The following DCLK1 variants were observed in gnomAD, a reference collection of about 807,000 sequenced individuals.
DCLK1 encodes the protein serine/threonine-protein kinase DCLK1.
A neutral mutation model predicts 86.2 loss-of-function variants in DCLK1; 16 were observed. The observed-to-expected ratio is 0.19, with a 90% CI of 0.13 to 0.28. The LOEUF is 0.28. Ranked by LOEUF, DCLK1 falls within the 10% of genes least tolerant of loss-of-function variation. DCLK1 has a pLI of 1.00. For missense variants in DCLK1, 590 were observed against 940.2 expected (o/e 0.63, Z 4.87); for synonymous variants, 369 against 370.5 (o/e 1.00, Z 0.05).
intron 6 of DCLK1, among the ~76,000 whole-genome samples, chr13:35,842,253 A>AAG (rs1566562081): frequency 2.0e-5 from 3 of 151,056 alleles, no homozygotes; most frequent in African/African-American, 7.3e-5. Context: ...AAAAAAAAAA[A>AAG]AAGAAGTTCT....
At chr13:35,785,606 G>A (rs927245703) in intron 16 of DCLK1, among the ~76,000 whole-genome samples, 1 of 152,304 alleles carries the variant, frequency 6.6e-6, no homozygotes, top group Non-Finnish European at 1.5e-5. Flanking sequence ...AGCCAGTTAA[G>A]AGAGACAGAC....
At chr13:36,001,530 G>T (rs1880723318) in intron 3 of DCLK1, among the ~76,000 whole-genome samples, 1 of 152,016 alleles carries the variant, frequency 6.6e-6, no homozygotes, top group African/African-American at 2.4e-5. Context: ...GACCTTCCAA[G>T]GATGCTAGGA....
chr13:35,836,108 G>A lies in DCLK1; in HGVS notation c.1154C>T (p.Thr385Ile), dbSNP rs756382778. ...VSEEGFQIPA[T>I]ITERYKVGRT... The stretch of plus-strand genomic sequence containing the variant: ...TCCGACTTTATATCGTTCTGTTATT[G>A]TAGCTGGAATCTGGAAGCCTTCCTC... Residue 385 changes from threonine to isoleucine, a missense_variant, in exon 8 of 17, where the codon ACA becomes ATA. Thr to Ile is a moderately conservative substitution (Grantham distance 89). Coordinates refer to ENST00000360631, the MANE Select transcript of DCLK1 (RefSeq NM_001330071.2). 6.2e-7 allele frequency: 1 copy of A among 1,612,740 alleles called. No homozygotes were observed. Among genetic ancestry groups the A allele is most frequent in the East Asian group, 2.2e-5 (1 of 44,796 alleles).
chr13:35,939,378 G>C (rs1876957991), intron 4 of DCLK1, among the ~76,000 whole-genome samples: 1 of 152,142 alleles, frequency 6.6e-6, no homozygotes, highest in South Asian at 2.1e-4. Context: ...TATTCAACAA[G>C]ATAGCTATAT....
At chr13:35,921,940 T>G (rs1165581313) in intron 4 of DCLK1, among the ~76,000 whole-genome samples, 1 of 152,150 alleles carries the variant, frequency 6.6e-6, no homozygotes, top group Non-Finnish European at 1.5e-5. Context: ...TTTTGGAATT[T>G]CATATGTTGG....
intron 4 of DCLK1, among the ~76,000 whole-genome samples, chr13:35,875,905 T>C (rs1872561322): frequency 6.6e-6 from 1 of 152,134 alleles, no homozygotes; most frequent in South Asian, 2.1e-4. Context: ...AGAGATGAAA[T>C]GACTTGCATC....
At chr13:35,784,640 T>G (rs1364968843) in intron 16 of DCLK1, among the ~76,000 whole-genome samples, 1 of 152,214 alleles carries the variant, frequency 6.6e-6, no homozygotes, top group African/African-American at 2.4e-5. Context: ...AATCTATGAC[T>G]TTTCGATGTG....
intron 15 of DCLK1, among the ~76,000 whole-genome samples, chr13:35,799,749 T>G (rs1488308881): frequency 6.6e-6 from 1 of 152,130 alleles, no homozygotes; most frequent in Non-Finnish European, 1.5e-5. Flanking sequence ...ATATAAGAAT[T>G]TTTTTCTGGA....
intron 3 of DCLK1, among the ~76,000 whole-genome samples, chr13:36,098,368 A>C (rs929281957): frequency 1.3e-5 from 2 of 152,204 alleles, no homozygotes; most frequent in East Asian, 3.9e-4. Context: ...ACTATCCCAG[A>C]ACTGATCTGA....
chr13:35,798,685 C>A (rs2086859830), intron 15 of DCLK1, among the ~76,000 whole-genome samples: 1 of 152,148 alleles, frequency 6.6e-6, no homozygotes, highest in Non-Finnish European at 1.5e-5. Flanking sequence ...GGATAAAATG[C>A]CCATATGGAA....
intron 3 of DCLK1, among the ~76,000 whole-genome samples, chr13:36,046,996 T>A (rs1239194311): frequency 6.6e-6 from 1 of 152,048 alleles, no homozygotes; most frequent in Non-Finnish European, 1.5e-5. Context: ...AGAAAACACA[T>A]AAACCAATTA....
chr13:35,809,543 G>C (rs1413473540), intron 12 of DCLK1, among the ~76,000 whole-genome samples: 1 of 152,198 alleles, frequency 6.6e-6, no homozygotes, highest in Admixed American at 6.5e-5. Context: ...GACAAGACAA[G>C]TATTGCTTAT....
At chr13:35,923,533 G>C (rs1333050884) in intron 4 of DCLK1, among the ~76,000 whole-genome samples, 1 of 152,042 alleles carries the variant, frequency 6.6e-6, no homozygotes, top group Non-Finnish European at 1.5e-5. Flanking sequence ...GGGAGCAGTG[G>C]GGGGTAGAGA....
chr13:35,926,148 G>A lies in DCLK1; in HGVS notation c.823+21210C>T, dbSNP rs182985952. Among the ~76,000 whole-genome samples, 1,204 of 151,084 alleles carry A rather than the reference G, an allele frequency of 8.0e-3. 5 individuals are homozygous for A. Among genetic ancestry groups the A allele is most frequent in the Non-Finnish European group, 0.013 (916 of 67,910 alleles). On this transcript the variant is annotated intron_variant, in intron 4 of 16. Transcript: ENST00000360631. ...ATCTTGGCTCACTGCAATGTCTGCC[G>A]CCCAGGTTCAAGCGATTCTCCTGCC...
At chr13:35,846,000 A>G (rs1870147246) in intron 6 of DCLK1, 2 of 985,460 alleles carry the variant, frequency 2.0e-6, no homozygotes, top group African/African-American at 3.5e-5. Context: ...CACAAGGTAC[A>G]ACATTTTACA....
chr13:35,931,039 C>T (rs186530544), intron 4 of DCLK1, among the ~76,000 whole-genome samples: 2 of 152,298 alleles, frequency 1.3e-5, no homozygotes, highest in African/African-American at 2.4e-5. Context: ...CAGCTGCAGA[C>T]AATCACCCAG....
chr13:35,958,027 C>CCACCACCACCACTAT (rs1566620227), intron 3 of DCLK1, among the ~76,000 whole-genome samples: 2 of 101,154 alleles, frequency 2.0e-5, no homozygotes, highest in Admixed American at 9.6e-5. Flanking sequence ...TCACACACCA[C>CCACCACCACCACTAT]AACTACCACC....
At chr13:36,091,115 AT>A (rs1884811142) in intron 3 of DCLK1, among the ~76,000 whole-genome samples, 1 of 151,876 alleles carries the variant, frequency 6.6e-6, no homozygotes, top group East Asian at 1.9e-4. Context: ...GATTGTAAAA[AT>A]TTTCTCCCAT....
chr13:35,959,861 GT>G (rs1878359260), intron 3 of DCLK1, among the ~76,000 whole-genome samples: 1 of 113,326 alleles, frequency 8.8e-6, no homozygotes, highest in African/African-American at 4.0e-5. Flanking sequence ...AGTCGTGTGT[GT>G]GTGTGTGTGT....
Sources: gnomAD v4.1 joint callset for allele counts (sites outside exome capture counted in the v4.1 genomes callset) on GRCh38, gnomAD v4.1.1 for gene constraint, MANE v1.5 for transcripts, NCBI Gene and HGNC (gene_info 2026-07-23, HGNC 2026-07-21) for gene names.